Variants in FLNC observed in about 807,000 individuals in gnomAD.
FLNC encodes filamin C, also known as filamin-C.
A neutral mutation model predicts 254.3 loss-of-function variants in FLNC; 91 were observed. That is an observed-to-expected ratio of 0.36 (90% CI 0.30 to 0.43). The LOEUF is 0.43. FLNC is among the 20% of genes least tolerant of loss of function. The probability of loss-of-function intolerance (pLI) is 1.00; values close to 1 mark genes in which losing one functional copy is unlikely to be tolerated. For synonymous variants in FLNC, 1,430 were observed against 1,577.2 expected, an observed-to-expected ratio of 0.91 and a Z score of 2.21; for missense variants, 2,853 against 3,802.6, an observed-to-expected ratio of 0.75 and a Z score of 6.57.
At chr7:128,831,077 A>T in intron 1 of FLNC, 88 bp downstream of exon 1, 1 of 1,300,112 alleles carries the variant, frequency 7.7e-7, no homozygotes, top group Non-Finnish European at 1.1e-6. Context: ...GCGCGCGGGG[A>T]GCTGAGAGAC....
chr7:128,851,500 C>A lies in FLNC; in HGVS notation c.5714C>A (p.Thr1905Asn). 1.2e-6 allele frequency: 2 copies of A among 1,613,990 alleles called. No homozygotes were observed. Among genetic ancestry groups the A allele is most frequent in the South Asian group, 2.2e-5 (2 of 91,088 alleles). ...GAGGGCCCATCCAAGGCAGAGATCA[C>A]CTGTAAGGACAACAAGGATGGCACC... ...AVEGPSKAEI[T>N]CKDNKDGTCT... Residue 1905 changes from threonine to asparagine, a missense_variant, in exon 35 of 48, where the codon ACC becomes AAC. By Grantham distance (65) the Thr-to-Asn change is moderately conservative. Around this residue, in one of 10 missense-constraint regions of FLNC, gnomAD observed 551 missense variants for 835.0 expected, o/e 0.66. Coordinates refer to ENST00000325888, the MANE Select transcript of FLNC (RefSeq NM_001458.5).
At chr7:128,844,478 A>G (rs1808471308) in intron 20 of FLNC, among the ~76,000 whole-genome samples, 180 bp from the exon 21 acceptor site, 1 of 152,230 alleles carries the variant, frequency 6.6e-6, no homozygotes, top group Non-Finnish European at 1.5e-5. Flanking sequence ...CTTGAATCCC[A>G]GGTCCACTAA....
At position 128,841,382 on chromosome 7, in the gene FLNC, C is replaced by A. The variant is rs1365907534; in HGVS notation, c.2007+19C>A. 1.9e-6 allele frequency: 3 copies of A among 1,613,946 alleles called. No homozygotes were observed. The highest frequency in any genetic ancestry group is 1.1e-5 in the South Asian group (1 of 91,080). ...AGATAAGGTGTGGTCCCAGCTCACA[C>A]ACACCTGCCCCGGGGGTGGGGCAAG... On this transcript the variant is annotated intron_variant, in intron 12 of 47. Transcript: ENST00000325888. The surrounding 1 kb of genome is among the most constrained non-coding windows in gnomAD (Gnocchi z 4.3).
Position 128,847,942 on chromosome 7 carries a change from C to T in FLNC, c.4457-3C>T, listed in dbSNP as rs2128937317. 1 of 1,613,608 alleles carries T rather than the reference C, an allele frequency of 6.2e-7. No homozygotes were observed. The highest frequency in any genetic ancestry group is 8.5e-7 in the Non-Finnish European group (1 of 1,179,776). The stretch of plus-strand genomic sequence containing the variant: ...CTCTGCTGACCCTGTGCCCCTTGCC[C>T]AGGTGTGGCCGAGCCTGTGGAGGTG... On this transcript the variant is annotated splice_polypyrimidine_tract_variant and splice_region_variant and intron_variant, in intron 25 of 47. Coordinates refer to ENST00000325888, the MANE Select transcript of FLNC (RefSeq NM_001458.5).
In FLNC at chr7:128,850,205, G is replaced by A; in HGVS notation, c.5298+131G>A. 4.2e-6 allele frequency: 4 copies of A among 961,718 alleles called. No homozygotes were observed. In the South Asian group the frequency reaches 4.2e-5, roughly 10 times the overall value. 59.6% of individuals were successfully genotyped at this position (961,718 alleles called of 1,614,324 possible). ...GGGGAGCAGGCAAGAGTTAGGCTGG[G>A]CAGATGGAACCCCACTTGGGCACAG... On this transcript the variant is annotated intron_variant, in intron 31 of 47. Coordinates refer to ENST00000325888, the MANE Select transcript of FLNC (RefSeq NM_001458.5).
intron 26 of FLNC, 142 bp downstream of exon 26, chr7:128,848,210 C>T: frequency 9.0e-7 from 1 of 1,106,482 alleles, no homozygotes; most frequent in Admixed American, 2.0e-5. Context: ...CCCCATCCCG[C>T]TCTTCCCCGG....
chr7:128,853,642 C>T (rs755571790), intron 38 of FLNC, 21 bp downstream of exon 38: 95 of 1,613,970 alleles, frequency 5.9e-5, no homozygotes, highest in Middle Eastern at 4.9e-4. Flanking sequence ...GGGCAGAGGT[C>T]GGTGGCGAGA....
In FLNC at chr7:128,855,236, C is replaced by T. The variant is rs1188007382; in HGVS notation, c.7173C>T (p.His2391=). ...TCTCCATCAAGTTCAATGATGAGCACATCCCAGACAGCCCCTTTGTGGTGC... is the reference window on the plus strand; with the variant it reads ...TCTCCATCAAGTTCAATGATGAGCATATCCCAGACAGCCCCTTTGTGGTGC... ...YEVSIKFNDE[H]IPDSPFVVPV... Residue 2391 remains histidine, a synonymous_variant, in exon 43 of 48, where the codon CAC becomes CAT. Coordinates refer to ENST00000325888, the MANE Select transcript of FLNC (RefSeq NM_001458.5). 1.1e-5 allele frequency: 17 copies of T among 1,613,572 alleles called. No individual in the cohort carries two copies. Among genetic ancestry groups the T allele is most frequent in the Admixed American group, 1.7e-5 (1 of 60,012 alleles).
Position 128,851,538 on chromosome 7 carries a change from T to C in FLNC, c.5752T>C (p.Tyr1918His). Residue 1918 changes from tyrosine (Y) to histidine (H), a missense_variant, in exon 35 of 48, where the codon TAT (tyrosine) becomes CAT (histidine). Physicochemically the swap from Tyr to His is moderately conservative, Grantham distance 83. Around this residue, in one of 10 missense-constraint regions of FLNC, gnomAD observed 551 missense variants for 835.0 expected, o/e 0.66. Transcript: ENST00000325888. Reference protein sequence around the residue: ...DNKDGTCTVSYLPTAPGDYSI... With the variant: ...DNKDGTCTVSHLPTAPGDYSI... Reference sequence around the variant, plus strand: ...CAAGGATGGCACCTGCACCGTGTCCTATCTGCCGACTGCGCCTGGAGACTA... The same window carrying C: ...CAAGGATGGCACCTGCACCGTGTCCCATCTGCCGACTGCGCCTGGAGACTA... 6.2e-7 allele frequency: 1 copy of C among 1,613,984 alleles called. No individual in the cohort carries two copies. The highest frequency in any genetic ancestry group is 8.5e-7 in the Non-Finnish European group (1 of 1,180,042).
chr7:128,843,776 C>T lies in FLNC; in HGVS notation c.2812-20C>T, dbSNP rs756334432. The T allele has an allele frequency of 2.5e-6, 4 of 1,605,156 alleles. No individual in the cohort carries two copies. The highest frequency in any genetic ancestry group is 1.7e-5 in the Admixed American group (1 of 60,002). The stretch of plus-strand genomic sequence containing the variant: ...GACCTTGCCTTATATCCAGTTCTGA[C>T]CTACCATTGTACCCAACAGGGCAAC... On this transcript the variant is annotated intron_variant, in intron 18 of 47. Coordinates refer to ENST00000325888, the MANE Select transcript of FLNC (RefSeq NM_001458.5).
In FLNC at chr7:128,840,532, G is replaced by GC. The variant is rs1808285913; in HGVS notation, c.1550-11dup. ...ATTGATCTGCCTTCTTCCCCACCCT[G>GC]CCCCCATCTCCTCAGAGGGCACAGA... On this transcript the variant is annotated splice_polypyrimidine_tract_variant and intron_variant, in intron 9 of 47. Transcript: ENST00000325888. 4 of 1,614,082 alleles carry GC rather than the reference G, an allele frequency of 2.5e-6. No individual in the cohort carries two copies. Among genetic ancestry groups the GC allele is most frequent in the Non-Finnish European group, 2.5e-6 (3 of 1,180,000 alleles).
chr7:128,842,691 G>C lies in FLNC; in HGVS notation c.2382G>C (p.Ala794=), dbSNP rs536456072. The stretch of plus-strand genomic sequence containing the variant: ...ACTTCACGGTGGACTGCAGCGAGGC[G>C]GGGCAAGGTGCGCCCAGCCGGAAGG... ...PTYFTVDCSE[A]GQGDVSIGIK... Residue 794 remains alanine (A), a synonymous_variant, in exon 15 of 48, where the codon GCG becomes GCC. Coordinates refer to ENST00000325888, the MANE Select transcript of FLNC (RefSeq NM_001458.5). This position sits in a 1 kb window ranked among gnomAD's most constrained non-coding sequence, Gnocchi z 5.4. 7 of 1,556,234 alleles carry C rather than the reference G, an allele frequency of 4.5e-6. No individual in the cohort carries two copies. The highest frequency in any genetic ancestry group is 6.1e-6 in the Non-Finnish European group (7 of 1,149,514).
At chr7:128,831,076 G>C in intron 1 of FLNC, 87 bp downstream of exon 1, 6 of 1,301,510 alleles carry the variant, frequency 4.6e-6, no homozygotes, top group Non-Finnish European at 6.4e-6. Flanking sequence ...GGCGCGCGGG[G>C]AGCTGAGAGA....
intron 26 of FLNC, 90 bp downstream of exon 26, chr7:128,848,158 G>T: frequency 6.8e-7 from 1 of 1,463,062 alleles, no homozygotes; most frequent in South Asian, 1.2e-5. Flanking sequence ...GGAGTCCCCT[G>T]GGAGAGCCTC....
In FLNC at chr7:128,856,054, G is replaced by T. The variant is rs971060444; in HGVS notation, c.7252-464G>T. ...CCACTCCTGAACTGGGCTCCCCGAT[G>T]CAGGCTCCAATCCCTCCCCCAGAGC... On this transcript the variant is annotated intron_variant, in intron 43 of 47. Transcript: ENST00000325888. The surrounding 1 kb of genome is among the most constrained non-coding windows in gnomAD (Gnocchi z 5.9). Among the ~76,000 whole-genome samples, 10 of 152,172 alleles carry T rather than the reference G, an allele frequency of 6.6e-5. No individual in the cohort carries two copies. The highest frequency in any genetic ancestry group is 1.5e-4 in the Non-Finnish European group (10 of 68,022).
Position 128,840,861 on chromosome 7 carries a change from G to A in FLNC, c.1704G>A (p.Glu568=). ...RSPFEVQVSP[E]AGVQKVRAWG... is the part of the protein sequence containing the mutation. The stretch of plus-strand genomic sequence containing the variant: ...CCTTTGAGGTACAGGTGAGCCCAGA[G>A]GCAGGAGTGCAAAAGGTCCGGGCCT... The change falls in exon 11 of 48, where the codon GAG becomes GAA. Residue 568 remains glutamate (E), a synonymous_variant. Coordinates refer to ENST00000325888, the MANE Select transcript of FLNC (RefSeq NM_001458.5). 6.2e-7 allele frequency: 1 copy of A among 1,614,126 alleles called. No homozygotes were observed. The highest frequency in any genetic ancestry group is 8.5e-7 in the Non-Finnish European group (1 of 1,180,026).
chr7:128,844,662 G>T lies in FLNC; in HGVS notation c.3197G>T (p.Cys1066Phe). The T allele has an allele frequency of 6.2e-7, 1 of 1,611,778 alleles. No homozygotes were observed. Among genetic ancestry groups the T allele is most frequent in the Non-Finnish European group, 8.5e-7 (1 of 1,179,990 alleles). Reference sequence around the variant, plus strand: ...ACAACCTGCCTCTTCCCCTAGGTCTGTGCTTATGGCCCGGGTCTCAAGGGT... The same window carrying T: ...ACAACCTGCCTCTTCCCCTAGGTCTTTGCTTATGGCCCGGGTCTCAAGGGT... ...GVLPPDPSKV[C>F]AYGPGLKGGL... is the part of the protein sequence containing the mutation. The change falls in exon 21 of 48, where the codon TGT becomes TTT. Residue 1066 changes from cysteine to phenylalanine, a missense_variant. By Grantham distance (205) the Cys-to-Phe change is radical. Coordinates refer to ENST00000325888, the MANE Select transcript of FLNC (RefSeq NM_001458.5).
intron 30 of FLNC, 143 bp downstream of exon 30, chr7:128,849,721 C>G (rs894174503): frequency 7.0e-6 from 8 of 1,144,380 alleles, no homozygotes; most frequent in Middle Eastern, 2.1e-4. Flanking sequence ...CAGGATGGAG[C>G]CTTAACTTTC....
At chr7:128,843,342 G>A (rs371898804) in intron 17 of FLNC, 23 bp downstream of exon 17, 26 of 1,612,260 alleles carry the variant, frequency 1.6e-5, no homozygotes, top group Non-Finnish European at 2.1e-5. Flanking sequence ...GCAGGGGCTG[G>A]GACTGGCTCG....
Sources: gnomAD v4.1 joint callset for allele counts (sites outside exome capture counted in the v4.1 genomes callset) on GRCh38, gnomAD v4.1.1 for gene constraint, gnomAD v4.1.1 regional missense constraint, Gnocchi (gnomAD v3.1) non-coding constraint, MANE v1.5 for transcripts, NCBI Gene and HGNC (gene_info 2026-07-23, HGNC 2026-07-21) for gene names.